The following CD247 variants were observed in gnomAD, a reference collection of about 807,000 sequenced individuals.
The protein encoded by CD247 is CD247 molecule.
A neutral mutation model predicts 30.0 loss-of-function variants in CD247; 13 were observed. The ratio of observed to expected loss-of-function variants is 0.43; its 90% CI spans 0.28 to 0.69. The LOEUF (loss-of-function observed/expected upper bound fraction) is 0.69. Ranked by LOEUF, CD247 falls within the 30% of genes least tolerant of loss-of-function variation. CD247 has a pLI of 0.16. For synonymous variants in CD247, 72 were observed against 80.0 expected (o/e 0.90, Z 0.53); for missense variants, 193 against 212.6 (o/e 0.91, Z 0.57).
At chr1:167,492,708 A>G (rs1245928722) in intron 1 of CD247, among the ~76,000 whole-genome samples, 1 of 152,118 alleles carries the variant, frequency 6.6e-6, no homozygotes, top group Admixed American at 6.5e-5. Context: ...CCCTAGAAGG[A>G]GGTGGGAAAC....
chr1:167,441,083 C>T (rs1442939687), intron 1 of CD247, among the ~76,000 whole-genome samples: 1 of 152,164 alleles, frequency 6.6e-6, no homozygotes. Flanking sequence ...GCAGCAGAAG[C>T]CCAGCCATGT....
chr1:167,496,446 C>G (rs566290562), intron 1 of CD247, among the ~76,000 whole-genome samples: 2 of 152,324 alleles, frequency 1.3e-5, no homozygotes, highest in South Asian at 2.1e-4. Context: ...TGGGTCAGTA[C>G]TTGAACCTGC....
chr1:167,447,882 G>A (rs1316989213), intron 1 of CD247, among the ~76,000 whole-genome samples: 2 of 148,562 alleles, frequency 1.3e-5, no homozygotes. Context: ...CCAGGCTCAG[G>A]CACAACTGGT....
At chr1:167,502,845 G>C (rs1221300890) in intron 1 of CD247, among the ~76,000 whole-genome samples, 1 of 152,196 alleles carries the variant, frequency 6.6e-6, no homozygotes, top group Non-Finnish European at 1.5e-5. Flanking sequence ...GCAACCACCA[G>C]AAGCTGGGGA....
chr1:167,433,155 G>A, intron 6 of CD247, 96 bp from the exon 7 acceptor site: 1 of 1,267,438 alleles, frequency 7.9e-7, no homozygotes, highest in Non-Finnish European at 1.2e-6. Context: ...TACCCAGGAA[G>A]TCAGAGGTAA....
At chr1:167,461,886 A>G (rs1013666013) in intron 1 of CD247, among the ~76,000 whole-genome samples, 1 of 151,994 alleles carries the variant, frequency 6.6e-6, no homozygotes, top group African/African-American at 2.4e-5. Flanking sequence ...CCTTGTATTA[A>G]CCTCCCTTTT....
chr1:167,433,492 G>A (rs993518650), intron 6 of CD247, among the ~76,000 whole-genome samples: 1 of 152,190 alleles, frequency 6.6e-6, no homozygotes, highest in Non-Finnish European at 1.5e-5. Flanking sequence ...AGAAGACCTT[G>A]GGTAAGTCAC....
At chr1:167,479,893 G>A (rs959406943) in intron 1 of CD247, among the ~76,000 whole-genome samples, 3 of 152,114 alleles carry the variant, frequency 2.0e-5, no homozygotes, top group Non-Finnish European at 1.5e-5. Context: ...TTACTGCTTC[G>A]TGCCTCTCCC....
chr1:167,474,816 G>A lies in CD247; in HGVS notation c.59-34049C>T, dbSNP rs192293928. ...TCCCCAGGCTGGAGTGCAGTGGTAC[G>A]ATCTCCACTCACTGCAACCTCTGCC... is the stretch of plus-strand genomic sequence containing the variant. On this transcript the variant is annotated intron_variant, in intron 1 of 7. Transcript: ENST00000362089. Among the ~76,000 whole-genome samples, 36 of 144,536 alleles carry A rather than the reference G, an allele frequency of 2.5e-4. No homozygotes were observed. The South Asian group carries it at 7.3e-3, about 29-fold the overall frequency. 94.8% of individuals were successfully genotyped at this position (144,536 alleles called of 152,430 possible). A position where few individuals can be genotyped will look rare whatever the true frequency, so the allele number is the denominator to read the frequency against.
intron 1 of CD247, among the ~76,000 whole-genome samples, chr1:167,453,857 C>T (rs544232448): frequency 4.6e-5 from 7 of 152,176 alleles, no homozygotes; most frequent in South Asian, 4.2e-4. Context: ...CCCCCTCCTC[C>T]GGAGGCTTAG....
intron 1 of CD247, among the ~76,000 whole-genome samples, chr1:167,455,410 C>T (rs1652597450): frequency 6.6e-6 from 1 of 152,200 alleles, no homozygotes; most frequent in Admixed American, 6.5e-5. Flanking sequence ...CAAACCACAC[C>T]CGTGAAGGAC....
At chr1:167,439,421 C>A (rs779349500) in intron 2 of CD247, 21 bp from the exon 3 acceptor site, 9 of 1,613,624 alleles carry the variant, frequency 5.6e-6, no homozygotes, top group South Asian at 4.4e-5. Context: ...GAAAGCAAAG[C>A]GCGTTACTGC....
intron 1 of CD247, among the ~76,000 whole-genome samples, chr1:167,513,993 A>G (rs1052407957): frequency 1.3e-5 from 2 of 152,224 alleles, no homozygotes; most frequent in Non-Finnish European, 2.9e-5. Flanking sequence ...GTTTAATACT[A>G]CGTTCTCTAG....
rs80331533 is a variant in CD247 at position 167,487,896 on chromosome 1, A to G, written c.58+30512T>C. On this transcript the variant is annotated intron_variant, in intron 1 of 7. Transcript: ENST00000362089. ...CAAGTATCTACCACCACATCTGACT[A>G]ATTTATTTTTAGAATTTTTTTTGTA... Among the ~76,000 whole-genome samples the G allele has an allele frequency of 3.2e-3, 491 of 152,178 alleles. 5 individuals are homozygous for G. Among genetic ancestry groups the G allele is most frequent in the African/African-American group, 0.011 (462 of 41,538 alleles).
At chr1:167,440,428 C>G (rs1651771489) in intron 2 of CD247, 2 of 585,152 alleles carry the variant, frequency 3.4e-6, no homozygotes. Context: ...ATTTGTACGG[C>G]TTGTCATGGA....
intron 1 of CD247, among the ~76,000 whole-genome samples, chr1:167,455,620 C>T (rs1323203604): frequency 4.6e-5 from 7 of 152,150 alleles, no homozygotes; most frequent in Non-Finnish European, 8.8e-5. Flanking sequence ...CATCCAGGGC[C>T]CGGGTTATCG....
intron 1 of CD247, among the ~76,000 whole-genome samples, chr1:167,501,226 AT>A (rs141428321): frequency 5.1e-4 from 74 of 143,876 alleles, no homozygotes; most frequent in South Asian, 8.8e-4. Flanking sequence ...CTAATTTTGT[AT>A]TTTTTTTTTT....
intron 1 of CD247, 135 bp from the exon 2 acceptor site, chr1:167,440,902 C>G: frequency 1.4e-6 from 1 of 697,114 alleles, no homozygotes; most frequent in South Asian, 1.5e-5. Context: ...CATGCCTCAG[C>G]CTGATCACAA....
At chr1:167,506,505 G>A (rs1655141826) in intron 1 of CD247, among the ~76,000 whole-genome samples, 1 of 151,806 alleles carries the variant, frequency 6.6e-6, no homozygotes. Flanking sequence ...GTGTCACCGT[G>A]CCCAGCGAAT....
Sources: allele counts gnomAD v4.1 joint callset (sites outside exome capture counted in the v4.1 genomes callset), GRCh38; gene constraint gnomAD v4.1.1; transcripts MANE v1.5; gene names NCBI Gene and HGNC (gene_info 2026-07-23, HGNC 2026-07-21).